Variants in ETV6 observed in about 807,000 individuals in gnomAD.
ETV6 encodes the protein transcription factor ETV6.
In ETV6, 16 loss-of-function variants were observed where a neutral mutation model predicts 51.1. That is an observed-to-expected ratio of 0.31 (90% CI 0.21 to 0.48). The LOEUF is 0.48. Ranked by LOEUF, ETV6 falls within the 20% of genes least tolerant of loss-of-function variation. The pLI, the probability that ETV6 is intolerant of heterozygous loss-of-function variation, is 0.99. For synonymous variants in ETV6, 240 were observed against 224.1 expected (o/e 1.07, Z -0.64); for missense variants, 458 against 594.8 (o/e 0.77, Z 2.39).
Position 11,894,745 on chromosome 12 carries a change from C to A in ETV6, c.*3699C>A, listed in dbSNP as rs72550766. The stretch of plus-strand genomic sequence containing the variant: ...GGAACTCCCTTTTGCAAAAAAGAAA[C>A]CTGGGTGTCAGGGAGGTGAAGTGAC... On this transcript the variant is annotated 3_prime_UTR_variant, in exon 8 of 8. Transcript: ENST00000396373. 2,486 of 233,222 alleles carry A rather than the reference C, an allele frequency of 0.011. 29 individuals are homozygous for A. The highest frequency in any genetic ancestry group is 0.015 in the Non-Finnish European group (1,740 of 118,002). The allele number at this position is 233,222 out of a possible 1,614,324, so 14.4% of individuals were successfully genotyped here.
intron 1 of ETV6, chr12:11,750,915 G>T: frequency 2.2e-6 from 1 of 461,230 alleles, no homozygotes; most frequent in Non-Finnish European, 4.1e-6. Context: ...TTCAAGAAAA[G>T]TGCAGTTGAA....
At chr12:11,768,103 T>A (rs1945189131) in intron 2 of ETV6, among the ~76,000 whole-genome samples, 1 of 152,202 alleles carries the variant, frequency 6.6e-6, no homozygotes, top group African/African-American at 2.4e-5. Context: ...AGTCCCAGTG[T>A]TGACTGGTTC....
In ETV6 at chr12:11,891,614, C is replaced by G; in HGVS notation, c.*568C>G. On this transcript the variant is annotated 3_prime_UTR_variant, in exon 8 of 8. Coordinates refer to ENST00000396373, the MANE Select transcript of ETV6 (RefSeq NM_001987.5). The stretch of plus-strand genomic sequence containing the variant: ...GGGTCTTGGCTGAAAAAAAAAAATG[C>G]TTTTAAAAAAGATAAAATGAAAAGG... 1.9e-6 allele frequency: 1 copy of G among 527,466 alleles called. No individual in the cohort carries two copies. Among genetic ancestry groups the G allele is most frequent in the Non-Finnish European group, 3.7e-6 (1 of 273,122 alleles). 32.7% of individuals were successfully genotyped at this position (527,466 alleles called of 1,614,324 possible).
intron 2 of ETV6, among the ~76,000 whole-genome samples, chr12:11,795,034 C>T (rs1405627422): frequency 2.0e-5 from 3 of 152,178 alleles, no homozygotes; most frequent in Non-Finnish European, 2.9e-5. Flanking sequence ...CTGTGATACT[C>T]GCCTAATCCA....
intron 1 of ETV6, among the ~76,000 whole-genome samples, chr12:11,697,042 T>G (rs1864890830): frequency 6.6e-6 from 1 of 152,214 alleles, no homozygotes; most frequent in Admixed American, 6.5e-5. Context: ...TTGTTAAATT[T>G]AAATGAATAG....
At chr12:11,785,978 A>G (rs1309513544) in intron 2 of ETV6, among the ~76,000 whole-genome samples, 2 of 152,208 alleles carry the variant, frequency 1.3e-5, no homozygotes, top group Non-Finnish European at 2.9e-5. Context: ...CACTTGTTTT[A>G]GCAGGTTTGA....
chr12:11,685,164 C>G (rs1864603814), intron 1 of ETV6, among the ~76,000 whole-genome samples: 1 of 152,076 alleles, frequency 6.6e-6, no homozygotes, highest in Non-Finnish European at 1.5e-5. Context: ...CCTGTTAATG[C>G]TGGCTTTAGT....
intron 2 of ETV6, among the ~76,000 whole-genome samples, chr12:11,766,913 G>C (rs752246074): frequency 5.3e-5 from 8 of 152,114 alleles, no homozygotes; most frequent in Non-Finnish European, 1.0e-4. Context: ...TGTGCTGGGT[G>C]GACGATATTC....
At chr12:11,812,875 G>T (rs1276199697) in intron 2 of ETV6, among the ~76,000 whole-genome samples, 1 of 152,218 alleles carries the variant, frequency 6.6e-6, no homozygotes, top group Non-Finnish European at 1.5e-5. Context: ...CCCTAAAGCT[G>T]CATGGAGACC....
At chr12:11,689,872 C>T (rs1344805257) in intron 1 of ETV6, among the ~76,000 whole-genome samples, 1 of 144,180 alleles carries the variant, frequency 6.9e-6, no homozygotes. Context: ...CTCTCCAGGG[C>T]ATACGGTCCA....
At chr12:11,883,276 C>CTTTTTTTTTTTTTTTTTTTTTT (rs547786286) in intron 5 of ETV6, among the ~76,000 whole-genome samples, 1 of 79,116 alleles carries the variant, frequency 1.3e-5, no homozygotes, top group African/African-American at 7.4e-5. Flanking sequence ...ATGTCTTCTT[C>CTTTTTTTTTTTTTTTTTTTTTT]TTTTTTTTTT....
intron 2 of ETV6, among the ~76,000 whole-genome samples, chr12:11,757,933 G>A (rs756774543): frequency 1.1e-4 from 16 of 152,128 alleles, no homozygotes; most frequent in East Asian, 1.9e-4. Flanking sequence ...CTGCCTCCCC[G>A]TTTGTTCTCT....
At chr12:11,676,945 T>C (rs1211061334) in intron 1 of ETV6, among the ~76,000 whole-genome samples, 1 of 152,256 alleles carries the variant, frequency 6.6e-6, no homozygotes, top group Non-Finnish European at 1.5e-5. Context: ...GTAATGCATA[T>C]CTGCAATATT....
In ETV6 at chr12:11,850,680, T is replaced by C. The variant is rs543435507; in HGVS notation, c.329-2747T>C. Among the ~76,000 whole-genome samples, 6 of 152,330 alleles carry C rather than the reference T, an allele frequency of 3.9e-5. No individual in the cohort carries two copies. The South Asian group carries it at 1.2e-3, about 32-fold the overall frequency. ...GAATCGTTACAACGATCTCACAAGG[T>C]AGATGCCATCAACACTGCCATTTTA... On this transcript the variant is annotated intron_variant, in intron 3 of 7. Transcript: ENST00000396373.
At chr12:11,674,217 CT>C (rs1455180362) in intron 1 of ETV6, among the ~76,000 whole-genome samples, 2 of 151,992 alleles carry the variant, frequency 1.3e-5, no homozygotes, top group Non-Finnish European at 2.9e-5. Context: ...AAGTCCTTGC[CT>C]CGTTAGTTCC....
At chr12:11,741,854 T>G (rs1265335481) in intron 1 of ETV6, among the ~76,000 whole-genome samples, 1 of 152,260 alleles carries the variant, frequency 6.6e-6, no homozygotes, top group East Asian at 1.9e-4. Context: ...TTTAAGACAG[T>G]GATTCGCAAC....
chr12:11,718,265 C>T (rs1865315348), intron 1 of ETV6, among the ~76,000 whole-genome samples: 1 of 152,132 alleles, frequency 6.6e-6, no homozygotes, highest in South Asian at 2.1e-4. Flanking sequence ...CACACCTCAG[C>T]CCAAAGCCTC....
chr12:11,665,719 A>G (rs1437631278), intron 1 of ETV6, among the ~76,000 whole-genome samples: 2 of 152,242 alleles, frequency 1.3e-5, no homozygotes, highest in Non-Finnish European at 2.9e-5. Flanking sequence ...GGGTTGAGGA[A>G]AGAAGAAAGG....
At chr12:11,790,813 G>T (rs1945574033) in intron 2 of ETV6, among the ~76,000 whole-genome samples, 1 of 151,686 alleles carries the variant, frequency 6.6e-6, no homozygotes, top group Admixed American at 6.6e-5. Flanking sequence ...TAGTAGCTGG[G>T]ATCACAGGCG....
Sources: allele counts gnomAD v4.1 joint callset (sites outside exome capture counted in the v4.1 genomes callset), GRCh38; gene constraint gnomAD v4.1.1; transcripts MANE v1.5; gene names NCBI Gene and HGNC (gene_info 2026-07-23, HGNC 2026-07-21).